Variants in SMAD4 observed in about 807,000 individuals in gnomAD.
SMAD4 encodes SMAD family member 4.
A neutral mutation model predicts 63.2 loss-of-function variants in SMAD4; 7 were observed. The observed-to-expected ratio is 0.11, with a 90% CI of 0.06 to 0.21. The LOEUF (loss-of-function observed/expected upper bound fraction) is 0.21, where lower values mean the gene tolerates loss of function less well. Among genes scored for constraint, SMAD4 ranks in the 10% least tolerant of loss-of-function variants. SMAD4 has a pLI of 1.00. For missense variants in SMAD4, 312 were observed against 693.8 expected (o/e 0.45, Z 6.18); for synonymous variants, 215 against 235.4 (o/e 0.91, Z 0.79).
At chr18:51,055,098 G>GA in intron 5 of SMAD4, 105 bp downstream of exon 5, 2 of 833,026 alleles carry the variant, frequency 2.4e-6, no homozygotes, top group Non-Finnish European at 4.2e-6. Flanking sequence ...AACATTAAAA[G>GA]TAACTGTAGT....
rs934821052 is a variant in SMAD4 at position 51,084,173 on chromosome 18, GGTGT to G, written c.*5712_*5715del. 8 of 230,276 alleles carry G rather than the reference GGTGT, an allele frequency of 3.5e-5. No individual in the cohort carries two copies. Among genetic ancestry groups the G allele is most frequent in the African/African-American group, 1.6e-4 (7 of 45,024 alleles). 14.3% of individuals were successfully genotyped at this position (230,276 alleles called of 1,614,324 possible). ...GTCATGACATTATAGCTTTTGAGTT[GGTGT>G]GTGTGACACCACCCTCCTAAGTGGT... On this transcript the variant is annotated 3_prime_UTR_variant, in exon 12 of 12. Coordinates refer to ENST00000342988, the MANE Select transcript of SMAD4 (RefSeq NM_005359.6).
At chr18:51,044,452 C>G (rs1372591824) in intron 1 of SMAD4, among the ~76,000 whole-genome samples, 1 of 152,188 alleles carries the variant, frequency 6.6e-6, no homozygotes, top group Non-Finnish European at 1.5e-5. Context: ...AGTGCAGTGG[C>G]ACAATCACAG....
At chr18:51,036,733 A>T (rs750770522) in intron 1 of SMAD4, among the ~76,000 whole-genome samples, 14 of 152,330 alleles carry the variant, frequency 9.2e-5, no homozygotes, top group Non-Finnish European at 1.6e-4. Context: ...AGACTTCCAG[A>T]GTGTTTTTTA....
At chr18:51,040,181 C>T (rs1909332097) in intron 1 of SMAD4, among the ~76,000 whole-genome samples, 4 of 152,120 alleles carry the variant, frequency 2.6e-5, no homozygotes, top group Admixed American at 2.6e-4. Flanking sequence ...TAATCCAGCA[C>T]TTTGGGAGGC....
intron 10 of SMAD4, 148 bp from the exon 11 acceptor site, chr18:51,076,490 C>A: frequency 2.9e-6 from 2 of 690,938 alleles, no homozygotes; most frequent in Non-Finnish European, 4.9e-6. Context: ...AGACCAATCA[C>A]AATGTACATA....
intron 1 of SMAD4, among the ~76,000 whole-genome samples, chr18:51,036,482 A>T (rs78801230): frequency 0.028 from 4,209 of 152,342 alleles, 93 homozygotes; most frequent in Middle Eastern, 0.044. Context: ...AAGCTAAGCC[A>T]GGAATCATTG....
intron 8 of SMAD4, 114 bp downstream of exon 8, chr18:51,060,030 C>CCTG: frequency 1.3e-6 from 1 of 771,140 alleles, no homozygotes; most frequent in South Asian, 1.4e-5. Context: ...GAGTACAATA[C>CCTG]TCATCATGAC....
At chr18:51,066,353 A>G (rs1038802114) in intron 9 of SMAD4, among the ~76,000 whole-genome samples, 3 of 147,188 alleles carry the variant, frequency 2.0e-5, no homozygotes, top group Non-Finnish European at 4.6e-5. Flanking sequence ...CAAAAAAAAA[A>G]AAAAAAAAAG....
intron 10 of SMAD4, among the ~76,000 whole-genome samples, chr18:51,073,573 C>G (rs887601798): frequency 6.6e-6 from 1 of 151,698 alleles, no homozygotes; most frequent in South Asian, 2.1e-4. Context: ...CTCTGTTGCC[C>G]AGGCTGGAGT....
rs199787250 is a variant in SMAD4 at position 51,078,637 on chromosome 18, A to AT, written c.*180dup. On this transcript the variant is annotated 3_prime_UTR_variant, in exon 12 of 12. Transcript: ENST00000342988. ...AGCAGACAGAAACTGGATTAAAACA[A>AT]TTTTTTTTTTCCTCTTCAGAACTTG... 2.4e-3 allele frequency: 1,309 copies of AT among 550,388 alleles called. No homozygotes were observed. Among genetic ancestry groups the AT allele is most frequent in the South Asian group, 4.4e-3 (169 of 38,656 alleles). 34.1% of individuals were successfully genotyped at this position (550,388 alleles called of 1,614,324 possible).
Position 51,047,000 on chromosome 18 carries a change from T to G in SMAD4, c.-47T>G, listed in dbSNP as rs907866808. On this transcript the variant is annotated 5_prime_UTR_variant, in exon 2 of 12. Transcript: ENST00000342988. ...ACTGTTTCCAAAGGATCAAAATTGCTTCAGAAATTGGAGACATATTTGATT... is the reference window on the plus strand; with the variant it reads ...ACTGTTTCCAAAGGATCAAAATTGCGTCAGAAATTGGAGACATATTTGATT... 1 of 1,586,384 alleles carries G rather than the reference T, an allele frequency of 6.3e-7. No individual in the cohort carries two copies. Among genetic ancestry groups the G allele is most frequent in the Admixed American group, 1.7e-5 (1 of 59,914 alleles).
At chr18:51,042,396 A>C (rs562710072) in intron 1 of SMAD4, among the ~76,000 whole-genome samples, 8 of 133,402 alleles carry the variant, frequency 6.0e-5, no homozygotes, top group South Asian at 2.4e-4. Flanking sequence ...TCCCTCCCTT[A>C]CTTCAGGCTC....
rs1910562892 is a variant in SMAD4, at chr18:51,079,725, T to C, written c.*1258T>C. ...TGTATTGACTGTACCACAGACACAA[T>C]ATGTATGCTTTTTACCTAGCTGGTA... is the stretch of plus-strand genomic sequence containing the variant. On this transcript the variant is annotated 3_prime_UTR_variant, in exon 12 of 12. Transcript: ENST00000342988. 1 of 233,320 alleles carries C rather than the reference T, an allele frequency of 4.3e-6. No homozygotes were observed. The highest frequency in any genetic ancestry group is 8.5e-6 in the Non-Finnish European group (1 of 117,922). The allele number at this position is 233,320 out of a possible 1,614,324, so 14.5% of individuals were successfully genotyped here.
At chr18:51,070,051 CAG>C (rs1568209481) in intron 10 of SMAD4, among the ~76,000 whole-genome samples, 1 of 152,178 alleles carries the variant, frequency 6.6e-6, no homozygotes, top group Non-Finnish European at 1.5e-5. Context: ...GTGGTTGAAG[CAG>C]AGAGAGAAGG....
intron 8 of SMAD4, among the ~76,000 whole-genome samples, chr18:51,062,648 G>A (rs1382251109): frequency 1.3e-5 from 2 of 151,340 alleles, no homozygotes; most frequent in South Asian, 2.1e-4. Flanking sequence ...ATAGGCACCC[G>A]CCACCATGCC....
chr18:51,036,032 A>G (rs1909193818), intron 1 of SMAD4, among the ~76,000 whole-genome samples: 1 of 152,118 alleles, frequency 6.6e-6, no homozygotes, highest in Non-Finnish European at 1.5e-5. Context: ...GATGGAGTGC[A>G]GTAACATCAT....
At chr18:51,049,447 C>A in intron 4 of SMAD4, 123 bp downstream of exon 4, 1 of 751,334 alleles carries the variant, frequency 1.3e-6, no homozygotes, top group Non-Finnish European at 2.4e-6. Flanking sequence ...TAACTTACTG[C>A]TTTGGAAATG....
chr18:51,042,567 C>T (rs1909419037), intron 1 of SMAD4, among the ~76,000 whole-genome samples: 1 of 135,028 alleles, frequency 7.4e-6, no homozygotes, highest in Admixed American at 7.9e-5. Flanking sequence ...GAGAGGAGGT[C>T]TCACTTTGTT....
chr18:51,061,529 A>G (rs1036155543), intron 8 of SMAD4, among the ~76,000 whole-genome samples: 1 of 152,156 alleles, frequency 6.6e-6, no homozygotes, highest in Non-Finnish European at 1.5e-5. Flanking sequence ...AAGTGACTGA[A>G]TCGCATTTTT....
Sources: allele counts gnomAD v4.1 joint callset (sites outside exome capture counted in the v4.1 genomes callset), GRCh38; gene constraint gnomAD v4.1.1; transcripts MANE v1.5; gene names NCBI Gene and HGNC (gene_info 2026-07-23, HGNC 2026-07-21).